The following DISP1 variants were observed in gnomAD, a reference collection of about 807,000 sequenced individuals.
DISP1 encodes the protein protein dispatched homolog 1.
A neutral mutation model predicts 37.3 loss-of-function variants in DISP1; 30 were observed. That is an observed-to-expected ratio of 0.80 (90% CI 0.60 to 1.09). The LOEUF is 1.09. Ranked by LOEUF, DISP1 falls within the 50% of genes least tolerant of loss-of-function variation. The pLI, the probability that DISP1 is intolerant of heterozygous loss-of-function variation, is 0.00. For synonymous variants in DISP1, 634 were observed against 690.2 expected (o/e 0.92, Z 1.28); for missense variants, 1,598 against 1,879.5 (o/e 0.85, Z 2.77).
At chr1:222,900,443 T>G (rs535910282) in intron 1 of DISP1, among the ~76,000 whole-genome samples, 2 of 152,324 alleles carry the variant, frequency 1.3e-5, no homozygotes, top group South Asian at 4.1e-4. Context: ...GAAAATCCAG[T>G]TGATGAGTAG....
In DISP1 at chr1:222,857,415, T is replaced by C. The variant is rs78053168; in HGVS notation, c.-159+42337T>C. 8.3e-4 allele frequency among the ~76,000 whole-genome samples: 127 copies of C among 152,312 alleles called. 4 individuals are homozygous for C. In the East Asian group the frequency reaches 0.022, roughly 27 times the overall value. On this transcript the variant is annotated intron_variant, in intron 1 of 8. Coordinates refer to ENST00000675850, the MANE Select transcript of DISP1 (RefSeq NM_001377229.1). ...TCACCACTCCTATTCAACATAGTATTGGAAGTTCTGGCCAGGACAATCAAG... is the reference window on the plus strand; with the variant it reads ...TCACCACTCCTATTCAACATAGTATCGGAAGTTCTGGCCAGGACAATCAAG...
chr1:222,960,845 C>T (rs1347173019), intron 3 of DISP1, among the ~76,000 whole-genome samples: 1 of 152,068 alleles, frequency 6.6e-6, no homozygotes, highest in Non-Finnish European at 1.5e-5. Flanking sequence ...CACCTCTACA[C>T]AAATAAACTA....
intron 3 of DISP1, among the ~76,000 whole-genome samples, chr1:222,967,286 C>T (rs1676574032): frequency 6.6e-6 from 1 of 152,170 alleles, no homozygotes; most frequent in Admixed American, 6.5e-5. Context: ...CCCTTATTTG[C>T]TTTCCCAGTT....
chr1:222,994,301 T>C (rs1342075067), intron 7 of DISP1, among the ~76,000 whole-genome samples: 1 of 152,112 alleles, frequency 6.6e-6, no homozygotes, highest in East Asian at 1.9e-4. Context: ...TCATACAACC[T>C]CCCTTATTCA....
At chr1:222,976,331 A>G (rs1461030950) in intron 3 of DISP1, among the ~76,000 whole-genome samples, 4 of 152,246 alleles carry the variant, frequency 2.6e-5, no homozygotes, top group Non-Finnish European at 5.9e-5. Flanking sequence ...TTCATCTATG[A>G]AAGTATGTAG....
intron 1 of DISP1, among the ~76,000 whole-genome samples, chr1:222,819,967 T>G (rs1276312099): frequency 6.6e-6 from 1 of 152,234 alleles, no homozygotes; most frequent in Admixed American, 6.5e-5. Flanking sequence ...GAATTAGTTT[T>G]GTGCTTATTT....
chr1:222,964,844 G>A (rs1476143020), intron 3 of DISP1, among the ~76,000 whole-genome samples: 1 of 152,174 alleles, frequency 6.6e-6, no homozygotes, highest in Non-Finnish European at 1.5e-5. Flanking sequence ...AAAGCTCTGT[G>A]TTGTCATCTT....
intron 1 of DISP1, chr1:222,836,865 G>T: frequency 2.7e-6 from 1 of 374,136 alleles, no homozygotes; most frequent in Non-Finnish European, 4.7e-6. Context: ...CTTAATCATT[G>T]CTGGCTATGT....
intron 1 of DISP1, among the ~76,000 whole-genome samples, chr1:222,839,128 G>T (rs61839601): frequency 0.11 from 17,142 of 152,090 alleles, 1,267 homozygotes; most frequent in South Asian, 0.16. Flanking sequence ...GGTTGTAGAC[G>T]GGTAACACTG....
intron 2 of DISP1, among the ~76,000 whole-genome samples, chr1:222,931,824 T>G (rs1673419976): frequency 6.6e-6 from 1 of 151,928 alleles, no homozygotes. Context: ...ATTAGTCAAA[T>G]TAGCTACTTC....
chr1:222,877,627 C>T (rs772620361), intron 1 of DISP1, among the ~76,000 whole-genome samples: 23 of 152,290 alleles, frequency 1.5e-4, no homozygotes, highest in East Asian at 5.8e-4. Context: ...GTGAGCAACA[C>T]GGGCATTGTC....
intron 1 of DISP1, among the ~76,000 whole-genome samples, chr1:222,844,634 T>C (rs958621725): frequency 2.6e-5 from 4 of 152,186 alleles, no homozygotes; most frequent in African/African-American, 9.6e-5. Flanking sequence ...GAAAGGTATT[T>C]AAGCTTTAGT....
chr1:223,003,800 A>G lies in DISP1; in HGVS notation c.2403A>G (p.Pro801=). 1 of 1,614,200 alleles carries G rather than the reference A, an allele frequency of 6.2e-7. No homozygotes were observed. The highest frequency in any genetic ancestry group is 8.5e-7 in the Non-Finnish European group (1 of 1,180,038). ...WGVSPEDNGN[P]LNPKSKGKLT... ...TGTCCCCAGAAGACAATGGCAACCC[A>G]CTAAATCCCAAGAGTAAAGGGAAGT... Residue 801 remains proline, a synonymous_variant, in exon 9 of 9, where the codon CCA becomes CCG. Transcript: ENST00000675850. This position sits in a 1 kb window ranked among gnomAD's most constrained non-coding sequence, Gnocchi z 4.3.
intron 3 of DISP1, among the ~76,000 whole-genome samples, chr1:222,981,625 A>G (rs1281091386): frequency 2.0e-5 from 3 of 152,220 alleles, no homozygotes; most frequent in African/African-American, 4.8e-5. Context: ...GAGTGGGTAC[A>G]TGTATCTGAG....
chr1:223,005,460 T>C lies in DISP1; in HGVS notation c.4063T>C (p.Phe1355Leu). Residue 1355 changes from phenylalanine to leucine, a missense_variant, in exon 9 of 9, where the codon TTT (phenylalanine) becomes CTT (leucine). Coordinates refer to ENST00000675850, the MANE Select transcript of DISP1 (RefSeq NM_001377229.1). ...AATGCAGAATTCTCTGCCTAGGAATTTTTTCCTCCACCCAGTGCAGCACAT... is the reference window on the plus strand; with the variant it reads ...AATGCAGAATTCTCTGCCTAGGAATCTTTTCCTCCACCCAGTGCAGCACAT... ...AGMQNSLPRN[F>L]FLHPVQHIQA... 1.2e-6 allele frequency: 2 copies of C among 1,613,484 alleles called. No individual in the cohort carries two copies. The highest frequency in any genetic ancestry group is 1.7e-6 in the Non-Finnish European group (2 of 1,179,974).
intron 1 of DISP1, among the ~76,000 whole-genome samples, chr1:222,924,108 G>A: frequency 6.6e-6 from 1 of 152,150 alleles, no homozygotes; most frequent in East Asian, 1.9e-4. Context: ...CTGTCGTTGG[G>A]TAAGAGGAAT....
intron 2 of DISP1, among the ~76,000 whole-genome samples, chr1:222,936,898 T>TAATATGTAA (rs1383282266): frequency 5.1e-5 from 2 of 38,860 alleles, no homozygotes; most frequent in Non-Finnish European, 1.0e-4. Context: ...AATATATTAT[T>TAATATGTAA]TATATATAAT....
intron 3 of DISP1, among the ~76,000 whole-genome samples, chr1:222,970,374 C>T (rs1446570614): frequency 6.6e-6 from 1 of 152,038 alleles, no homozygotes; most frequent in South Asian, 2.1e-4. Context: ...AAAAGTCTGT[C>T]TCTAGCCGTT....
At chr1:222,946,437 G>C (rs1438965340) in intron 3 of DISP1, among the ~76,000 whole-genome samples, 1 of 148,864 alleles carries the variant, frequency 6.7e-6, no homozygotes, top group Non-Finnish European at 1.5e-5. Context: ...GTTTGTAACA[G>C]ACATAAAATA....
Sources: gnomAD v4.1 joint callset for allele counts (sites outside exome capture counted in the v4.1 genomes callset) on GRCh38, gnomAD v4.1.1 for gene constraint, Gnocchi (gnomAD v3.1) non-coding constraint, MANE v1.5 for transcripts, NCBI Gene and HGNC (gene_info 2026-07-23, HGNC 2026-07-21) for gene names.